Variants in TRIM37 observed in about 807,000 individuals in gnomAD.
TRIM37 encodes E3 ubiquitin-protein ligase TRIM37.
TRIM37 carries 80 observed loss-of-function variants against 129.8 expected under a neutral mutation model. The observed-to-expected ratio is 0.62, with a 90% CI of 0.51 to 0.74. The LOEUF (loss-of-function observed/expected upper bound fraction) is 0.74. Among genes scored for constraint, TRIM37 ranks in the 30% least tolerant of loss-of-function variants. The pLI, the probability that TRIM37 is intolerant of heterozygous loss-of-function variation, is 0.00. For synonymous variants in TRIM37, 389 were observed against 387.1 expected (o/e 1.00, Z -0.06); for missense variants, 1,054 against 1,176.5 (o/e 0.90, Z 1.52).
At chr17:58,983,849 G>A (rs981244389) in intron 24 of TRIM37, 1 of 152,616 alleles carries the variant, frequency 6.6e-6, no homozygotes, top group East Asian at 1.9e-4. Flanking sequence ...AAACAAGAGT[G>A]TAATATTGGT....
At chr17:58,978,074 A>T (rs1464844102), downstream of TRIM37, among the ~76,000 whole-genome samples, 1 of 152,236 alleles carries the variant, frequency 6.6e-6, no homozygotes, top group Non-Finnish European at 1.5e-5. Context: ...AGATACTAGA[A>T]ATAATGAATA....
Position 59,060,943 on chromosome 17 carries a change from G to C in TRIM37, c.1019+89C>G, listed in dbSNP as rs899929914. 18 of 876,574 alleles carry C rather than the reference G, an allele frequency of 2.1e-5. No individual in the cohort carries two copies. In the East Asian group the frequency reaches 4.5e-4, roughly 22 times the overall value. 54.3% of individuals were successfully genotyped at this position (876,574 alleles called of 1,614,324 possible). On this transcript the variant is annotated intron_variant, in intron 12 of 23. Transcript: ENST00000262294. ...ACATCTTAACAGACATACCAATACA[G>C]TAATTAACAAAAATAAAAATTAACA...
chr17:59,057,138 G>T, intron 12 of TRIM37, 84 bp from the exon 13 acceptor site: 1 of 1,165,942 alleles, frequency 8.6e-7, no homozygotes, highest in Non-Finnish European at 1.3e-6. Context: ...AGGTCACTAA[G>T]TAATTACCTG....
At chr17:59,011,440 C>T (rs2035242087) in intron 22 of TRIM37, among the ~76,000 whole-genome samples, 1 of 152,144 alleles carries the variant, frequency 6.6e-6, no homozygotes, top group Admixed American at 6.5e-5. Context: ...TAGATGCTGG[C>T]ACCTGTATGT....
chr17:59,044,970 T>G (rs1250465481), intron 16 of TRIM37, among the ~76,000 whole-genome samples: 1 of 151,612 alleles, frequency 6.6e-6, no homozygotes, highest in Admixed American at 6.6e-5. Flanking sequence ...AGTTGAAGGT[T>G]ACAGGGAGCT....
intron 10 of TRIM37, chr17:59,064,137 A>C (rs2041734136): frequency 2.0e-6 from 1 of 505,494 alleles, no homozygotes. Context: ...CAAAATAAAA[A>C]GAAAAGGTTC....
intron 17 of TRIM37, among the ~76,000 whole-genome samples, chr17:59,036,553 G>T (rs1298581351): frequency 6.6e-6 from 1 of 150,684 alleles, no homozygotes; most frequent in East Asian, 2.0e-4. Flanking sequence ...CAGAATCATG[G>T]CTCACTGTAC....
rs183612637 is a variant in TRIM37, at chr17:59,029,615, G to C, written c.1949-892C>G. Among the ~76,000 whole-genome samples, 12 of 152,258 alleles carry C rather than the reference G, an allele frequency of 7.9e-5. No homozygotes were observed. In the East Asian group the frequency reaches 2.1e-3, roughly 27 times the overall value. ...AAAAATAAACATCAAAGCCCAAGCA[G>C]GCCACGTGCAGTGGCTCACGCCTAT... On this transcript the variant is annotated intron_variant, in intron 18 of 23. Transcript: ENST00000262294.
At chr17:58,972,856 C>G in the TRIM37 span, 1 of 1,613,068 alleles carries the variant, frequency 6.2e-7, no homozygotes, top group Non-Finnish European at 8.5e-7. Context: ...AATTGAGGCC[C>G]TTGGAGGTTG....
At chr17:59,014,940 G>GT (rs1238784915) in intron 21 of TRIM37, among the ~76,000 whole-genome samples, 1 of 151,386 alleles carries the variant, frequency 6.6e-6, no homozygotes, top group Non-Finnish European at 1.5e-5. Context: ...GCTGGGCGTG[G>GT]TGGTGGGCGC....
At chr17:59,045,843 C>T (rs530474243) in intron 16 of TRIM37, among the ~76,000 whole-genome samples, 4 of 151,510 alleles carry the variant, frequency 2.6e-5, no homozygotes, top group South Asian at 2.1e-4. Context: ...GGTGAAACCC[C>T]GTCTCCACTA....
At chr17:59,007,206 C>CACAT (rs59251354) in intron 22 of TRIM37, among the ~76,000 whole-genome samples, 2 of 62,412 alleles carry the variant, frequency 3.2e-5, no homozygotes, top group African/African-American at 1.6e-4. Flanking sequence ...CACACACACA[C>CACAT]TAAAACCACC....
chr17:58,980,516 T>C (rs113639836), downstream of TRIM37: 3 of 1,614,150 alleles, frequency 1.9e-6, no homozygotes, highest in African/African-American at 4.0e-5. The surrounding 1 kb of genome is among the most constrained non-coding windows in gnomAD (Gnocchi z 4.7). Flanking sequence ...CAGTGCCCAG[T>C]TTTTGCTACC....
At chr17:58,992,997 C>G (rs1367813494) in intron 24 of TRIM37, among the ~76,000 whole-genome samples, 2 of 152,186 alleles carry the variant, frequency 1.3e-5, no homozygotes, top group East Asian at 3.9e-4. Context: ...TGTCCCCACC[C>G]AAATCTCATC....
In TRIM37 at chr17:58,998,522, T is replaced by C. The variant is rs1373727407; in HGVS notation, c.*855A>G. Reference sequence around the variant, plus strand: ...ACCTTATATCACAGTTTCACGTTCATGTAAGCCACTGTGCAACATGAATGA... The same window carrying C: ...ACCTTATATCACAGTTTCACGTTCACGTAAGCCACTGTGCAACATGAATGA... On this transcript the variant is annotated 3_prime_UTR_variant, in exon 24 of 24. Coordinates refer to ENST00000262294, the MANE Select transcript of TRIM37 (RefSeq NM_015294.6). 1.0e-6 allele frequency: 1 copy of C among 985,452 alleles called. No homozygotes were observed. The highest frequency in any genetic ancestry group is 5.2e-4 in the Middle Eastern group (1 of 1,914). The allele number at this position is 985,452 out of a possible 1,614,324, so 61.0% of individuals were successfully genotyped here. A position where few individuals can be genotyped will look rare whatever the true frequency, so the allele number is the denominator to read the frequency against.
At chr17:59,007,246 C>CACACACACACAT (rs2034656814) in intron 22 of TRIM37, among the ~76,000 whole-genome samples, 1 of 142,176 alleles carries the variant, frequency 7.0e-6, no homozygotes, top group Non-Finnish European at 1.5e-5. Context: ...CACACACACA[C>CACACACACACAT]GTTCCTGATG....
At chr17:58,972,710 A>G in the TRIM37 span, 1 of 874,400 alleles carries the variant, frequency 1.1e-6, no homozygotes, top group South Asian at 1.5e-5. Context: ...CCACCCTCCA[A>G]TGGAGAAACA....
At chr17:59,010,261 C>T (rs1242091229) in intron 22 of TRIM37, among the ~76,000 whole-genome samples, 2 of 151,988 alleles carry the variant, frequency 1.3e-5, no homozygotes, top group Non-Finnish European at 2.9e-5. Flanking sequence ...TTGTTGTAAC[C>T]GGAGGGAAAC....
At chr17:59,082,830 A>T (rs953365809) in intron 5 of TRIM37, among the ~76,000 whole-genome samples, 2 of 152,244 alleles carry the variant, frequency 1.3e-5, no homozygotes, top group African/African-American at 4.8e-5. Context: ...AGAAAAAAAC[A>T]TTTCTACTGT....
Sources: allele counts gnomAD v4.1 joint callset (sites outside exome capture counted in the v4.1 genomes callset), GRCh38; gene constraint gnomAD v4.1.1; non-coding constraint Gnocchi (gnomAD v3.1); transcripts MANE v1.5; gene names NCBI Gene and HGNC (gene_info 2026-07-23, HGNC 2026-07-21).